Variants in GLI3 observed in about 807,000 individuals in gnomAD.
GLI3 encodes transcription activator GLI3.
GLI3 carries 20 observed loss-of-function variants against 100.8 expected under a neutral mutation model. The observed-to-expected ratio is 0.20, with a 90% CI of 0.14 to 0.29. The LOEUF (loss-of-function observed/expected upper bound fraction) is 0.29. Among genes scored for constraint, GLI3 ranks in the 10% least tolerant of loss-of-function variants. GLI3 has a pLI of 1.00. For missense variants in GLI3, 2,040 were observed against 2,128.5 expected, an observed-to-expected ratio of 0.96 and a Z score of 0.82; for synonymous variants, 938 against 860.5, an observed-to-expected ratio of 1.09 and a Z score of -1.58.
chr7:42,006,242 G>A (rs1562681519), intron 10 of GLI3, among the ~76,000 whole-genome samples: 1 of 152,148 alleles, frequency 6.6e-6, no homozygotes, highest in African/African-American at 2.4e-5. Flanking sequence ...CAGGCTGCCT[G>A]GTGCTTCCCT....
chr7:41,983,684 G>A (rs1229174018), intron 10 of GLI3, among the ~76,000 whole-genome samples: 1 of 152,184 alleles, frequency 6.6e-6, no homozygotes, highest in Non-Finnish European at 1.5e-5. Flanking sequence ...GATAGATGGT[G>A]TAAATTACAA....
intron 3 of GLI3, among the ~76,000 whole-genome samples, chr7:42,127,232 C>T (rs534714642): frequency 6.6e-6 from 1 of 152,322 alleles, no homozygotes; most frequent in Non-Finnish European, 1.5e-5. Flanking sequence ...AGAGCTGATC[C>T]CAGGCTTGCA....
At chr7:42,036,343 C>T (rs1010649929) in intron 7 of GLI3, among the ~76,000 whole-genome samples, 1 of 152,168 alleles carries the variant, frequency 6.6e-6, no homozygotes, top group Non-Finnish European at 1.5e-5. Context: ...ATTCTAATTA[C>T]TCATGAGAGA....
chr7:42,254,813 A>G (rs2128710894), intron 1 of GLI3, among the ~76,000 whole-genome samples: 1 of 149,902 alleles, frequency 6.7e-6, no homozygotes, highest in Non-Finnish European at 1.5e-5. Flanking sequence ...TCTCTCTTGC[A>G]ATGTTTGTTA....
rs933789177 is a variant in GLI3, at chr7:42,152,356, A to C, written c.125-3888T>G. ...TAAGAGAACAGACAATACTTACAAC[A>C]CAGTCCCCAGGCTCTGGCTAGCTAC... On this transcript the variant is annotated intron_variant, in intron 2 of 14. Transcript: ENST00000395925. 7.2e-6 allele frequency: 7 copies of C among 978,080 alleles called. No homozygotes were observed. The Admixed American group carries it at 4.3e-4, about 60-fold the overall frequency. The allele number at this position is 978,080 out of a possible 1,614,324, so 60.6% of individuals were successfully genotyped here.
intron 2 of GLI3, among the ~76,000 whole-genome samples, chr7:42,185,362 C>T (rs891046769): frequency 9.9e-5 from 15 of 152,228 alleles, no homozygotes; most frequent in African/African-American, 3.4e-4. Flanking sequence ...TTCTTATTCC[C>T]TATCACCCAC....
chr7:42,014,518 G>A (rs1450397352), intron 10 of GLI3, among the ~76,000 whole-genome samples: 1 of 152,016 alleles, frequency 6.6e-6, no homozygotes, highest in African/African-American at 2.4e-5. Flanking sequence ...ACTTCTTCCT[G>A]CTGTCTTCTC....
chr7:42,062,072 C>T (rs1784579465), intron 4 of GLI3, among the ~76,000 whole-genome samples: 1 of 152,012 alleles, frequency 6.6e-6, no homozygotes, highest in Non-Finnish European at 1.5e-5. Flanking sequence ...TTCATATTAC[C>T]CTTGGAAAAC....
chr7:42,117,183 T>C (rs1282370581), intron 3 of GLI3, among the ~76,000 whole-genome samples: 1 of 152,138 alleles, frequency 6.6e-6, no homozygotes, highest in African/African-American at 2.4e-5. Context: ...TTTCACTCAA[T>C]AGATTGGTCA....
chr7:42,007,660 A>T (rs1788495045), intron 10 of GLI3, among the ~76,000 whole-genome samples: 1 of 152,218 alleles, frequency 6.6e-6, no homozygotes, highest in Non-Finnish European at 1.5e-5. Context: ...AAAGAAAATT[A>T]TATGGGAATT....
At chr7:42,117,363 G>T (rs1785885428) in intron 3 of GLI3, among the ~76,000 whole-genome samples, 1 of 152,174 alleles carries the variant, frequency 6.6e-6, no homozygotes, top group Admixed American at 6.5e-5. Flanking sequence ...TATTTACAAG[G>T]CTGTCACCTG....
At chr7:42,237,851 G>C (rs1788849911), upstream of GLI3, 2 of 151,012 alleles carry the variant, frequency 1.3e-5, no homozygotes, top group African/African-American at 4.8e-5. Context: ...GGGTCCCCAA[G>C]CCCGGAGTGG....
chr7:42,003,225 G>A (rs1447577079), intron 10 of GLI3, among the ~76,000 whole-genome samples: 2 of 151,966 alleles, frequency 1.3e-5, no homozygotes, highest in African/African-American at 4.8e-5. Context: ...GGAAGTCAAA[G>A]GTAAATTAAA....
chr7:41,971,603 C>T (rs1048126507), intron 13 of GLI3, among the ~76,000 whole-genome samples: 1 of 152,174 alleles, frequency 6.6e-6, no homozygotes, highest in African/African-American at 2.4e-5. Context: ...TTCCAGATCC[C>T]TCTCTCATGC....
intron 5 of GLI3, among the ~76,000 whole-genome samples, chr7:42,047,825 C>CACAGGCA (rs1784274852): frequency 6.6e-6 from 1 of 152,188 alleles, no homozygotes; most frequent in Non-Finnish European, 1.5e-5. Flanking sequence ...GAATAGAAAG[C>CACAGGCA]ACAGGCAACA....
chr7:42,122,051 G>A (rs1015093391), intron 3 of GLI3, among the ~76,000 whole-genome samples: 1 of 152,004 alleles, frequency 6.6e-6, no homozygotes, highest in Non-Finnish European at 1.5e-5. Flanking sequence ...TTAAATCAGA[G>A]AACATGCAAA....
At position 42,062,289 on chromosome 7, in the gene GLI3, T is replaced by A. The variant is rs575199603; in HGVS notation, c.474-13593A>T. On this transcript the variant is annotated intron_variant, in intron 4 of 14. Coordinates refer to ENST00000395925, the MANE Select transcript of GLI3 (RefSeq NM_000168.6). Reference sequence around the variant, plus strand: ...GCTTTGACCATGTTATAAAGTCTGTTGCTTGAATACACTTTTGTTTAAAAT... The same window carrying A: ...GCTTTGACCATGTTATAAAGTCTGTAGCTTGAATACACTTTTGTTTAAAAT... 2.0e-5 allele frequency among the ~76,000 whole-genome samples: 3 copies of A among 152,350 alleles called. No homozygotes were observed. The East Asian group carries it at 5.8e-4, about 29-fold the overall frequency.
intron 10 of GLI3, among the ~76,000 whole-genome samples, chr7:42,014,646 T>C (rs1213297148): frequency 6.6e-6 from 1 of 152,194 alleles, no homozygotes; most frequent in African/African-American, 2.4e-5. Context: ...CCTTCTTCTG[T>C]GCCTTCACCT....
intron 4 of GLI3, among the ~76,000 whole-genome samples, chr7:42,051,556 CAT>C (rs1456046483): frequency 1.3e-5 from 2 of 152,282 alleles, no homozygotes; most frequent in South Asian, 2.1e-4. Flanking sequence ...TTTATATACA[CAT>C]GTGTATATGT....
Sources: allele counts gnomAD v4.1 joint callset (sites outside exome capture counted in the v4.1 genomes callset), GRCh38; gene constraint gnomAD v4.1.1; transcripts MANE v1.5; gene names NCBI Gene and HGNC (gene_info 2026-07-23, HGNC 2026-07-21).